RMDN3: variants seen among roughly 807,000 people sequenced by gnomAD.
The protein encoded by RMDN3 is regulator of microtubule dynamics 3.
Under a neutral mutation model 61.8 loss-of-function variants are expected in RMDN3, and 41 were observed. That is an observed-to-expected ratio of 0.66 (90% CI 0.52 to 0.86). RMDN3 has a LOEUF of 0.86. Among genes scored for constraint, RMDN3 ranks in the 40% least tolerant of loss-of-function variants. The pLI, the probability that RMDN3 is intolerant of heterozygous loss-of-function variation, is 0.00. For synonymous variants in RMDN3, 247 were observed against 232.0 expected (o/e 1.06, Z -0.59); for missense variants, 557 against 585.3 (o/e 0.95, Z 0.50).
At chr15:40,750,531 G>GT (rs1389707181) in intron 4 of RMDN3, among the ~76,000 whole-genome samples, 1 of 151,840 alleles carries the variant, frequency 6.6e-6, no homozygotes, top group Non-Finnish European at 1.5e-5. Context: ...GTCCAGGATG[G>GT]TCTCAAGCTC....
intron 2 of RMDN3, among the ~76,000 whole-genome samples, chr15:40,753,463 A>G (rs1053153711): frequency 1.3e-5 from 2 of 152,192 alleles, no homozygotes; most frequent in Non-Finnish European, 2.9e-5. Context: ...CAGTGAGCCA[A>G]GATCATGCCA....
In RMDN3 at chr15:40,738,000, T is replaced by C. The variant is rs376231723; in HGVS notation, c.1090A>G (p.Met364Val). ...KAIALQPENP[M>V]AHFLLGRWCY... is the part of the protein sequence containing the mutation. ...CACCTGCCAAGAAGAAAGTGAGCCA[T>C]GGGGTTTTCTGGCTGGAGAGCAATG... The change falls in exon 9 of 13, where the codon ATG (methionine) becomes GTG (valine). Residue 364 changes from methionine to valine, a missense_variant. Coordinates refer to ENST00000338376, the MANE Select transcript of RMDN3 (RefSeq NM_018145.3). The C allele has an allele frequency of 4.3e-6, 7 of 1,614,058 alleles. No individual in the cohort carries two copies. In the Admixed American group the frequency reaches 1.0e-4, roughly 23 times the overall value.
chr15:40,737,543 C>T (rs1330979335), intron 10 of RMDN3, 85 bp downstream of exon 10: 3 of 1,311,996 alleles, frequency 2.3e-6, no homozygotes, highest in African/African-American at 3.0e-5. Context: ...CTAGGAAAAC[C>T]CCTCCCATTA....
In RMDN3 at chr15:40,745,008, C is replaced by T; in HGVS notation, c.776G>A (p.Gly259Asp). ...HRGDEQGKREGFQLLLNNKLV... is the reference protein window; with the variant it reads ...HRGDEQGKREDFQLLLNNKLV... The stretch of plus-strand genomic sequence containing the variant: ...CTTGTTGTTGAGCAGCAGCTGGAAG[C>T]CCTCCCGCTTGCCTTGCTCATCACC... The change falls in exon 5 of 13, where the codon GGC becomes GAC. Residue 259 changes from glycine (G) to aspartate (D), a missense_variant. Gly to Asp is a moderately conservative substitution (Grantham distance 94, BLOSUM62 -1). Transcript: ENST00000338376. 6.2e-7 allele frequency: 1 copy of T among 1,608,496 alleles called. No individual in the cohort carries two copies. The highest frequency in any genetic ancestry group is 8.5e-7 in the Non-Finnish European group (1 of 1,175,982).
intron 6 of RMDN3, among the ~76,000 whole-genome samples, chr15:40,741,557 G>C (rs1897279341): frequency 6.7e-6 from 1 of 149,628 alleles, no homozygotes; most frequent in Admixed American, 6.7e-5. Flanking sequence ...CGAGGCTGGA[G>C]CTTACGGACC....
Position 40,736,489 on chromosome 15 carries a change from G to C in RMDN3, c.*52C>G. 1 of 1,548,466 alleles carries C rather than the reference G, an allele frequency of 6.5e-7. No homozygotes were observed. The highest frequency in any genetic ancestry group is 8.9e-7 in the Non-Finnish European group (1 of 1,121,960). ...AAGGTCTAAGGAAAAAAGCCTCCCC[G>C]CCCCCCCACCTTAAATAGTGGCATC... On this transcript the variant is annotated 3_prime_UTR_variant, in exon 13 of 13. Coordinates refer to ENST00000338376, the MANE Select transcript of RMDN3 (RefSeq NM_018145.3).
At chr15:40,754,448 C>G in intron 2 of RMDN3, 149 bp downstream of exon 2, 1 of 836,576 alleles carries the variant, frequency 1.2e-6, no homozygotes, top group Non-Finnish European at 1.7e-6. Context: ...GCGCCCAGCC[C>G]GACGACTGCT....
chr15:40,741,086 C>A (rs57386731), intron 6 of RMDN3, among the ~76,000 whole-genome samples: 56,850 of 116,530 alleles, frequency 0.49, 11,134 homozygotes, highest in South Asian at 0.61. Context: ...TCAAAAAAAA[C>A]AACAACAACG....
At chr15:40,745,393 T>C in intron 4 of RMDN3, 134 bp from the exon 5 acceptor site, 2 of 796,540 alleles carry the variant, frequency 2.5e-6, no homozygotes, top group South Asian at 1.9e-5. Context: ...TTCATACCTC[T>C]TAAGGGCAGA....
chr15:40,755,163 G>A lies in RMDN3; in HGVS notation c.-88C>T, dbSNP rs1229083367. 3 of 177,048 alleles carry A rather than the reference G, an allele frequency of 1.7e-5. No homozygotes were observed. Among genetic ancestry groups the A allele is most frequent in the East Asian group, 1.5e-4 (1 of 6,458 alleles). The allele number at this position is 177,048 out of a possible 1,614,324, so 11.0% of individuals were successfully genotyped here. A position where few individuals can be genotyped will look rare whatever the true frequency, so the allele number is the denominator to read the frequency against. Reference sequence around the variant, plus strand: ...GCCTTCCGCCGCGGCCCCCGAAGGCGCTCTGGCCTGGCAGGAGATCCACTC... The same window carrying A: ...GCCTTCCGCCGCGGCCCCCGAAGGCACTCTGGCCTGGCAGGAGATCCACTC... On this transcript the variant is annotated 5_prime_UTR_variant, in exon 1 of 13. Transcript: ENST00000338376.
intron 3 of RMDN3, 170 bp downstream of exon 3, chr15:40,751,816 G>T: frequency 2.4e-6 from 2 of 830,940 alleles, no homozygotes; most frequent in Non-Finnish European, 3.8e-6. Flanking sequence ...TCCAGAAGCA[G>T]CAAGGAGCAT....
intron 7 of RMDN3, 182 bp from the exon 8 acceptor site, chr15:40,738,758 ATTC>A (rs1897166323): frequency 1.6e-6 from 1 of 618,072 alleles, no homozygotes; most frequent in African/African-American, 1.8e-5. Flanking sequence ...CCCAATTAGT[ATTC>A]TTTAGTAGAT....
In RMDN3 at chr15:40,736,445, G is replaced by T. The variant is rs929888158; in HGVS notation, c.*96C>A. 2.8e-6 allele frequency: 3 copies of T among 1,072,502 alleles called. No individual in the cohort carries two copies. The highest frequency in any genetic ancestry group is 1.6e-5 in the African/African-American group (1 of 63,614). 66.4% of individuals were successfully genotyped at this position (1,072,502 alleles called of 1,614,324 possible). ...AGTCAGACCCAGGAGACAGATTTGT[G>T]TGGTTTCCTGATCTCAGCAAGGTCT... On this transcript the variant is annotated 3_prime_UTR_variant, in exon 13 of 13. Coordinates refer to ENST00000338376, the MANE Select transcript of RMDN3 (RefSeq NM_018145.3).
In RMDN3 at chr15:40,737,716, A is replaced by T; in HGVS notation, c.1136T>A (p.Leu379Gln). Residue 379 changes from leucine (L) to glutamine (Q), a missense_variant, in exon 10 of 13, where the codon CTG becomes CAG. By Grantham distance (113) the Leu-to-Gln change is moderately radical. Coordinates refer to ENST00000338376, the MANE Select transcript of RMDN3 (RefSeq NM_018145.3). ...LGRWCYQVSH[L>Q]SWLEKKTATA... ...AGCAGTTTTTTTTTCTAGCCAGCTC[A>T]GGTGAGAGACCTGCCACAAAAAGAT... is the stretch of plus-strand genomic sequence containing the variant. 1.9e-6 allele frequency: 3 copies of T among 1,612,484 alleles called. No homozygotes were observed. In the South Asian group the frequency reaches 3.3e-5, roughly 18 times the overall value.
chr15:40,750,757 A>G (rs1566810521), intron 4 of RMDN3, among the ~76,000 whole-genome samples: 1 of 152,232 alleles, frequency 6.6e-6, no homozygotes. Context: ...TAGGCCTCAC[A>G]CAGGCTACCT....
rs144235442 is a variant in RMDN3, at chr15:40,744,121, C to T, written c.836G>A (p.Arg279His). ...VYGSRQDFLW[R>H]LARAYSDMCE... ...CATGTCACTGTAGGCTCGGGCCAGG[C>T]GCCAGAGAAAGTCCTGCCGGCTTCC... The change falls in exon 6 of 13, where the codon CGC becomes CAC. Residue 279 changes from arginine (R) to histidine (H), a missense_variant. Transcript: ENST00000338376. 62 of 1,613,400 alleles carry T rather than the reference C, an allele frequency of 3.8e-5. No individual in the cohort carries two copies. Among genetic ancestry groups the T allele is most frequent in the African/African-American group, 1.6e-4 (12 of 74,924 alleles).
chr15:40,752,685 G>T (rs1897880357), intron 2 of RMDN3, among the ~76,000 whole-genome samples: 1 of 152,084 alleles, frequency 6.6e-6, no homozygotes, highest in Non-Finnish European at 1.5e-5. Flanking sequence ...GAGAAAGGGG[G>T]CAGTTATTAA....
intron 2 of RMDN3, 131 bp downstream of exon 2, chr15:40,754,466 C>T (rs1366401276): frequency 1.8e-5 from 17 of 970,392 alleles, no homozygotes; most frequent in Non-Finnish European, 2.4e-5. Context: ...GCTTTTTCAA[C>T]AAGCTTCCAA....
intron 5 of RMDN3, 116 bp from the exon 6 acceptor site, chr15:40,744,265 C>A: frequency 1.2e-6 from 1 of 861,900 alleles, no homozygotes. Flanking sequence ...TTACAGTCAT[C>A]AATATCAGGC....
Sources: gnomAD v4.1 joint callset for allele counts (sites outside exome capture counted in the v4.1 genomes callset) on GRCh38, gnomAD v4.1.1 for gene constraint, MANE v1.5 for transcripts, NCBI Gene and HGNC (gene_info 2026-07-23, HGNC 2026-07-21) for gene names.